The following TECR variants were observed in gnomAD, a reference collection of about 807,000 sequenced individuals.
TECR encodes the protein trans-2,3-enoyl-CoA reductase.
Under a neutral mutation model 50.6 loss-of-function variants are expected in TECR, and 19 were observed. That is an observed-to-expected ratio of 0.38 (90% confidence interval 0.26 to 0.55). TECR has a LOEUF of 0.55. Among genes scored for constraint, TECR ranks in the 20% least tolerant of loss-of-function variants. TECR has a pLI of 0.79. For missense variants in TECR, 313 were observed against 408.3 expected (o/e 0.77, Z 2.01); for synonymous variants, 168 against 163.5 (o/e 1.03, Z -0.21).
chr19:14,562,335 G>A (rs1189322997), intron 1 of TECR, 190 bp from the exon 2 acceptor site: 16 of 673,614 alleles, frequency 2.4e-5, no homozygotes, highest in South Asian at 2.3e-4. Flanking sequence ...GCTGACGGCC[G>A]GCAGCTGGGG....
intron 1 of TECR, among the ~76,000 whole-genome samples, chr19:14,547,872 G>A (rs1442141762): frequency 6.6e-6 from 1 of 150,930 alleles, no homozygotes; most frequent in Admixed American, 6.6e-5. Context: ...ATGTTGCCCA[G>A]GTTGGTCTTG....
chr19:14,560,974 T>G (rs148977418), intron 1 of TECR, among the ~76,000 whole-genome samples: 2 of 152,224 alleles, frequency 1.3e-5, no homozygotes, highest in African/African-American at 2.4e-5. Context: ...TGCCCCCTTC[T>G]GAGGCCTAGA....
upstream of TECR, among the ~76,000 whole-genome samples, chr19:14,528,400 C>T (rs536024353): frequency 8.9e-4 from 135 of 151,692 alleles, no homozygotes; most frequent in African/African-American, 3.0e-3. Context: ...CCACCACGCC[C>T]GGCTAATTTT....
chr19:14,555,182 G>A (rs1230667095), intron 1 of TECR, among the ~76,000 whole-genome samples: 1 of 151,662 alleles, frequency 6.6e-6, no homozygotes, highest in Non-Finnish European at 1.5e-5. Flanking sequence ...AGGCTTAAGC[G>A]ATCCTTCTGT....
chr19:14,550,972 G>A (rs771863526), intron 1 of TECR, among the ~76,000 whole-genome samples: 2 of 150,538 alleles, frequency 1.3e-5, no homozygotes, highest in African/African-American at 2.4e-5. Context: ...ACACCCGGCC[G>A]CTCCTTTTAC....
intron 1 of TECR, among the ~76,000 whole-genome samples, chr19:14,542,347 G>GTGTTTTTTTTT (rs2073125545): frequency 1.2e-4 from 5 of 43,282 alleles, no homozygotes; most frequent in African/African-American, 2.4e-4. Context: ...ATGCCATAGT[G>GTGTTTTTTTTT]TTTTTTTTTT....
In TECR at chr19:14,563,781, CTG is replaced by C; in HGVS notation, c.164-18_164-17del. 1.9e-6 allele frequency: 3 copies of C among 1,612,762 alleles called. No individual in the cohort carries two copies. Among genetic ancestry groups the C allele is most frequent in the Non-Finnish European group, 2.5e-6 (3 of 1,179,720 alleles). ...AGAAGGCCCGGGTAGCCCCTGAGCC[CTG>C]GCCCGCCTCTCTGCAGAGGGCAAGT... On this transcript the variant is annotated splice_polypyrimidine_tract_variant and intron_variant, in intron 4 of 12. Transcript: ENST00000215567. The surrounding 1 kb of genome is among the most constrained non-coding windows in gnomAD (Gnocchi z 5.3).
intron 1 of TECR, among the ~76,000 whole-genome samples, chr19:14,549,954 TAAAAA>T (rs201560790): frequency 6.6e-6 from 1 of 150,544 alleles, no homozygotes; most frequent in South Asian, 2.2e-4. Flanking sequence ...AAAAAAAAAA[TAAAAA>T]AAATAAACTA....
intron 1 of TECR, among the ~76,000 whole-genome samples, chr19:14,534,385 G>A (rs933142856): frequency 2.7e-4 from 39 of 145,388 alleles, no homozygotes; most frequent in Non-Finnish European, 5.2e-4. Context: ...CGGCCTCCCA[G>A]GGTGCTGGGA....
At chr19:14,540,169 C>T (rs1253969445) in intron 1 of TECR, among the ~76,000 whole-genome samples, 4 of 151,928 alleles carry the variant, frequency 2.6e-5, no homozygotes, top group East Asian at 1.9e-4. Flanking sequence ...ACGCCATTCT[C>T]CTGCCTCAGC....
chr19:14,538,769 G>A (rs2420531), intron 1 of TECR, among the ~76,000 whole-genome samples: 49,671 of 151,404 alleles, frequency 0.33, 8,758 homozygotes, highest in Non-Finnish European at 0.41. Context: ...CTGACCTCGT[G>A]ATCCACCCGC....
In TECR at chr19:14,564,186, G is replaced by T. The variant is rs1281830928; in HGVS notation, c.388G>T (p.Ala130Ser). The change falls in exon 7 of 13, where the codon GCC becomes TCC. Residue 130 changes from alanine (A) to serine (S), a missense_variant. By Grantham distance (99) the Ala-to-Ser change is moderately conservative. Transcript: ENST00000215567. ...GAGCCTGCTCCCCCCGACCAGCCTC[G>T]CCTGCATCTGTCACTCATTCCACTA... ...TSSRHTVVHL[A>S]CICHSFHYIK... 1.2e-6 allele frequency: 2 copies of T among 1,606,954 alleles called. No homozygotes were observed. Among genetic ancestry groups the T allele is most frequent in the Admixed American group, 1.7e-5 (1 of 59,958 alleles).
chr19:14,544,665 A>C (rs1217151285), intron 1 of TECR, among the ~76,000 whole-genome samples: 4 of 139,342 alleles, frequency 2.9e-5, no homozygotes, highest in African/African-American at 8.1e-5. Flanking sequence ...ACAGGGTCTC[A>C]CTCTGTCGCC....
chr19:14,564,331 C>T, intron 7 of TECR, 44 bp downstream of exon 7: 1 of 1,210,882 alleles, frequency 8.3e-7, no homozygotes, highest in Non-Finnish European at 1.1e-6. Flanking sequence ...CGCCTTTCTG[C>T]CCCACCCCGC....
intron 1 of TECR, among the ~76,000 whole-genome samples, chr19:14,539,710 C>T (rs11672969): frequency 0.22 from 32,762 of 151,954 alleles, 3,795 homozygotes; most frequent in South Asian, 0.41. Flanking sequence ...GGATGCCCTT[C>T]CCTCTGCTTT....
chr19:14,530,530 G>T (rs972696959), intron 1 of TECR: 11 of 152,160 alleles, frequency 7.2e-5, no homozygotes, highest in African/African-American at 2.4e-4. Context: ...GCTTACTCTT[G>T]TGCTGGTGAG....
At chr19:14,554,850 C>T (rs150550689) in intron 1 of TECR, among the ~76,000 whole-genome samples, 2,713 of 152,106 alleles carry the variant, frequency 0.018, 39 homozygotes, top group Non-Finnish European at 0.028. Flanking sequence ...CTGACCTCTG[C>T]TCACTGCAAC....
intron 1 of TECR, among the ~76,000 whole-genome samples, chr19:14,540,599 C>T (rs1191629239): frequency 6.6e-6 from 1 of 151,670 alleles, no homozygotes; most frequent in Non-Finnish European, 1.5e-5. Context: ...ATTGTGTTGG[C>T]CAGGCTGGTC....
Position 14,538,939 on chromosome 19 carries a change from TCA to T in TECR, c.15+9229_15+9230del, listed in dbSNP as rs746165770. On this transcript the variant is annotated intron_variant, in intron 1 of 12. Transcript: ENST00000215567. The stretch of plus-strand genomic sequence containing the variant: ...AGGAAGAAGCCCAGATGCCAGTGCC[TCA>T]GTTTTGATATAATGTCACACACCAT... 1.1e-3 allele frequency among the ~76,000 whole-genome samples: 169 copies of T among 151,068 alleles called. 5 individuals carry two copies. Among genetic ancestry groups the T allele is most frequent in the Admixed American group, 7.3e-4 (11 of 15,092 alleles).
Sources: allele counts gnomAD v4.1 joint callset (sites outside exome capture counted in the v4.1 genomes callset), GRCh38; gene constraint gnomAD v4.1.1; non-coding constraint Gnocchi (gnomAD v3.1); transcripts MANE v1.5; gene names NCBI Gene and HGNC (gene_info 2026-07-23, HGNC 2026-07-21).